The following APBA2 variants were observed in gnomAD, a reference collection of about 807,000 sequenced individuals.
APBA2 encodes the protein amyloid beta precursor protein binding family A member 2.
In APBA2, 30 loss-of-function variants were observed where a neutral mutation model predicts 75.0. That is an observed-to-expected ratio of 0.40 (90% CI 0.30 to 0.54). APBA2 has a LOEUF of 0.54. Ranked by LOEUF, APBA2 falls within the 20% of genes least tolerant of loss-of-function variation. The probability of loss-of-function intolerance (pLI) is 0.49; values close to 1 mark genes in which losing one functional copy is unlikely to be tolerated. For synonymous variants in APBA2, 444 were observed against 409.6 expected, an observed-to-expected ratio of 1.08 and a Z score of -1.01; for missense variants, 801 against 1,016.1, an observed-to-expected ratio of 0.79 and a Z score of 2.88.
chr15:28,953,365 G>A (rs1035111993), intron 2 of APBA2, among the ~76,000 whole-genome samples: 6 of 152,154 alleles, frequency 3.9e-5, no homozygotes, highest in Admixed American at 1.3e-4. Flanking sequence ...GCTGCCTTCC[G>A]CTCCCATCAT....
intron 2 of APBA2, among the ~76,000 whole-genome samples, chr15:28,933,263 G>C (rs1283676188): frequency 6.6e-6 from 1 of 152,156 alleles, no homozygotes; most frequent in East Asian, 1.9e-4. Context: ...TGGGTGATCA[G>C]GTCCTGATGG....
intron 3 of APBA2, among the ~76,000 whole-genome samples, chr15:29,005,109 G>A (rs1031922004): frequency 3.3e-5 from 5 of 152,172 alleles, no homozygotes; most frequent in Non-Finnish European, 7.3e-5. Flanking sequence ...TAGCAAAGGC[G>A]TAGATAGGGG....
chr15:28,939,203 G>A (rs1006703922), intron 2 of APBA2, among the ~76,000 whole-genome samples: 3 of 152,124 alleles, frequency 2.0e-5, no homozygotes, highest in African/African-American at 7.2e-5. Flanking sequence ...TCCTTTTTTA[G>A]TGCTGAATAA....
At chr15:29,103,805 G>A (rs1002820630) in intron 10 of APBA2, among the ~76,000 whole-genome samples, 1 of 152,200 alleles carries the variant, frequency 6.6e-6, no homozygotes, top group East Asian at 1.9e-4. Context: ...CAGAAGCAGA[G>A]GCCTGGGGGC....
chr15:28,965,869 G>A (rs1566851381), intron 2 of APBA2, among the ~76,000 whole-genome samples: 1 of 152,168 alleles, frequency 6.6e-6, no homozygotes. Context: ...CACTGTCTGA[G>A]CTGCATCCTA....
rs1255832958 is a variant in APBA2, at chr15:28,918,093, C to CCCAGA, written c.-204-3547_-204-3546insCCAGA. Among the ~76,000 whole-genome samples the CCCAGA allele has an allele frequency of 1.3e-5, 2 of 152,232 alleles. No individual in the cohort carries two copies. Among genetic ancestry groups the CCCAGA allele is most frequent in the Non-Finnish European group, 2.9e-5 (2 of 68,042 alleles). Reference sequence around the variant, plus strand: ...GGATAAGAATCACCGCGAGTGTTTGCTGAGCACTTGGGAGGCATAGGCTCG... The same window carrying CCCAGA: ...GGATAAGAATCACCGCGAGTGTTTGCCCAGATGAGCACTTGGGAGGCATAGGCTCG... On this transcript the variant is annotated intron_variant, in intron 1 of 14. Coordinates refer to ENST00000683413, the MANE Select transcript of APBA2 (RefSeq NM_001353788.2). This position sits in a 1 kb window ranked among gnomAD's most constrained non-coding sequence, Gnocchi z 4.2.
intron 2 of APBA2, among the ~76,000 whole-genome samples, chr15:28,936,903 T>C (rs2034907182): frequency 2.6e-5 from 4 of 152,152 alleles, no homozygotes. Context: ...CTCATGCAGA[T>C]GGTGGCCTCT....
At chr15:28,894,066 T>C (rs35788849) in intron 1 of APBA2, 77,730 of 151,972 alleles carry the variant, frequency 0.51, 20,362 homozygotes, top group African/African-American at 0.59. Context: ...TCCTTTTATC[T>C]GTCACATAGG....
At chr15:28,949,165 G>A (rs556921387) in intron 2 of APBA2, among the ~76,000 whole-genome samples, 2 of 152,130 alleles carry the variant, frequency 1.3e-5, no homozygotes, top group South Asian at 2.1e-4. Context: ...TTCATGTGCC[G>A]TTGTTTGCAT....
intron 9 of APBA2, among the ~76,000 whole-genome samples, chr15:29,100,798 C>T (rs1326006199): frequency 6.6e-6 from 1 of 152,214 alleles, no homozygotes; most frequent in Non-Finnish European, 1.5e-5. Flanking sequence ...CACTGGTGGC[C>T]TCTCATCCGG....
At chr15:28,904,820 C>T (rs1016743607) in intron 1 of APBA2, among the ~76,000 whole-genome samples, 1 of 152,116 alleles carries the variant, frequency 6.6e-6, no homozygotes, top group African/African-American at 2.4e-5. Flanking sequence ...TGGGGAAGCC[C>T]GTGGAGAATT....
rs1442549698 is a variant in APBA2, at chr15:29,072,611, T to C, written c.952-2310T>C. ...TGCTCCACTTGGTCAGTGCAGGGTC[T>C]ACTGCAACAGAGTCTCGGGTGGTCA... On this transcript the variant is annotated intron_variant, in intron 4 of 14. Transcript: ENST00000683413. 2.0e-5 allele frequency among the ~76,000 whole-genome samples: 3 copies of C among 151,998 alleles called. No homozygotes were observed. In the South Asian group the frequency reaches 6.2e-4, roughly 32 times the overall value.
At chr15:29,069,196 AT>A (rs1187306482) in intron 4 of APBA2, among the ~76,000 whole-genome samples, 3 of 152,064 alleles carry the variant, frequency 2.0e-5, no homozygotes, top group African/African-American at 4.8e-5. Flanking sequence ...TACTTTGTTC[AT>A]TTTTGTGGCT....
At chr15:29,000,115 G>A (rs58997573) in intron 3 of APBA2, among the ~76,000 whole-genome samples, 6 of 152,098 alleles carry the variant, frequency 3.9e-5, no homozygotes, top group African/African-American at 1.2e-4. Context: ...AATGGTAACC[G>A]CTTCCAGAAA....
chr15:28,915,478 CA>C (rs2033648030), intron 1 of APBA2, among the ~76,000 whole-genome samples: 1 of 148,200 alleles, frequency 6.7e-6, no homozygotes, highest in African/African-American at 2.5e-5. Flanking sequence ...ACCATACATA[CA>C]CACCCCATAC....
At chr15:29,068,179 G>T (rs1300305050) in intron 4 of APBA2, among the ~76,000 whole-genome samples, 6 of 152,216 alleles carry the variant, frequency 3.9e-5, no homozygotes, top group Non-Finnish European at 5.9e-5. Flanking sequence ...GCAAGCTTGA[G>T]CCTCTGATAA....
At chr15:29,040,832 A>T (rs1186962185) in intron 3 of APBA2, among the ~76,000 whole-genome samples, 2 of 152,232 alleles carry the variant, frequency 1.3e-5, no homozygotes, top group Non-Finnish European at 2.9e-5. Context: ...CTAATTCTTC[A>T]GTCAATCAAT....
At position 29,108,267 on chromosome 15, in the gene APBA2, C is replaced by T; in HGVS notation, c.1918-3C>T. ...CTGTGACTCCTGTCCCCGTGCTCTGCAGGGCCTGAAGAACCAGACACAGGT... is the reference window on the plus strand; with the variant it reads ...CTGTGACTCCTGTCCCCGTGCTCTGTAGGGCCTGAAGAACCAGACACAGGT... On this transcript the variant is annotated splice_polypyrimidine_tract_variant and splice_region_variant and intron_variant, in intron 12 of 14. Transcript: ENST00000683413. 1 of 1,613,812 alleles carries T rather than the reference C, an allele frequency of 6.2e-7. No individual in the cohort carries two copies. The highest frequency in any genetic ancestry group is 8.5e-7 in the Non-Finnish European group (1 of 1,180,034).
intron 3 of APBA2, among the ~76,000 whole-genome samples, chr15:29,032,614 A>G (rs751590644): frequency 2.3e-4 from 35 of 152,204 alleles, no homozygotes; most frequent in Admixed American, 5.2e-4. Context: ...CTATCTCACT[A>G]ACTTCTGAGT....
Sources: allele counts gnomAD v4.1 joint callset (sites outside exome capture counted in the v4.1 genomes callset), GRCh38; gene constraint gnomAD v4.1.1; non-coding constraint Gnocchi (gnomAD v3.1); transcripts MANE v1.5; gene names NCBI Gene and HGNC (gene_info 2026-07-23, HGNC 2026-07-21).